GRM3: variants seen among roughly 807,000 people sequenced by gnomAD.
GRM3 encodes the protein glutamate metabotropic receptor 3, also known as metabotropic glutamate receptor 3.
In GRM3, 26 loss-of-function variants were observed where a neutral mutation model predicts 70.5. The ratio of observed to expected loss-of-function variants is 0.37; its 90% CI spans 0.27 to 0.51. GRM3 has a LOEUF of 0.51. Among genes scored for constraint, GRM3 ranks in the 20% least tolerant of loss-of-function variants. The probability of loss-of-function intolerance (pLI) is 0.93; values close to 1 mark genes in which losing one functional copy is unlikely to be tolerated. For missense variants in GRM3, 859 were observed against 1,123.8 expected (o/e 0.76, Z 3.37); for synonymous variants, 443 against 434.9 (o/e 1.02, Z -0.23).
intron 1 of GRM3, among the ~76,000 whole-genome samples, chr7:86,667,964 G>T (rs1020448889): frequency 6.6e-6 from 1 of 152,078 alleles, no homozygotes; most frequent in Non-Finnish European, 1.5e-5. Context: ...GAGATTTTGG[G>T]TAGCTAATCA....
rs757618306 is a variant in GRM3 at position 86,787,127 on chromosome 7, A to G, written c.1324+11A>G. The G allele has an allele frequency of 4.4e-6, 7 of 1,588,946 alleles. No homozygotes were observed. The South Asian group carries it at 7.8e-5, about 18-fold the overall frequency. Reference sequence around the variant, plus strand: ...AAATCAACTTCACGGGTAAGCCAAGAGCCTTTAAACATCTTCTCAGATGCA... The same window carrying G: ...AAATCAACTTCACGGGTAAGCCAAGGGCCTTTAAACATCTTCTCAGATGCA... On this transcript the variant is annotated intron_variant, in intron 3 of 5. Coordinates refer to ENST00000361669, the MANE Select transcript of GRM3 (RefSeq NM_000840.3).
intron 1 of GRM3, among the ~76,000 whole-genome samples, chr7:86,748,823 A>G (rs943100494): frequency 1.3e-5 from 2 of 152,084 alleles, no homozygotes; most frequent in Admixed American, 6.6e-5. Context: ...AAGAATACTT[A>G]TCTTCTCCTT....
intron 1 of GRM3, among the ~76,000 whole-genome samples, chr7:86,742,143 C>A (rs1337264246): frequency 2.0e-5 from 3 of 152,138 alleles, no homozygotes; most frequent in African/African-American, 7.2e-5. Flanking sequence ...TCTGATGGAA[C>A]CTCAGCTAGT....
chr7:86,644,919 A>G, intron 1 of GRM3, 47 bp downstream of exon 1: 3 of 1,114,132 alleles, frequency 2.7e-6, no homozygotes, highest in South Asian at 1.3e-5. Context: ...GCGCCCAGCC[A>G]GGGCGCGGAA....
intron 1 of GRM3, among the ~76,000 whole-genome samples, chr7:86,681,635 A>C (rs368851028): frequency 1.3e-5 from 2 of 152,236 alleles, no homozygotes; most frequent in African/African-American, 4.8e-5. Flanking sequence ...AGATGGAGCA[A>C]CTATGCCTGA....
At chr7:86,775,541 C>T (rs1479641947) in intron 2 of GRM3, among the ~76,000 whole-genome samples, 1 of 151,982 alleles carries the variant, frequency 6.6e-6, no homozygotes, top group East Asian at 1.9e-4. Context: ...CTTTTTAAAA[C>T]ATAACTTTGG....
At chr7:86,806,497 T>C (rs975189646) in intron 3 of GRM3, among the ~76,000 whole-genome samples, 57 of 152,140 alleles carry the variant, frequency 3.7e-4, no homozygotes, top group African/African-American at 1.2e-3. Context: ...CTCTGATGGC[T>C]AGTGATGATG....
intron 1 of GRM3, among the ~76,000 whole-genome samples, chr7:86,685,430 G>A (rs577090327): frequency 4.6e-5 from 7 of 152,300 alleles, no homozygotes; most frequent in African/African-American, 1.7e-4. Flanking sequence ...TGTTCTTAGT[G>A]AGAACCTGAA....
intron 1 of GRM3, among the ~76,000 whole-genome samples, chr7:86,758,490 C>T (rs531942150): frequency 3.3e-5 from 5 of 152,092 alleles, no homozygotes; most frequent in Non-Finnish European, 7.4e-5. Flanking sequence ...CTTGAGGATG[C>T]TAAAGCAGCT....
At chr7:86,799,825 G>T (rs1797641572) in intron 3 of GRM3, among the ~76,000 whole-genome samples, 1 of 152,154 alleles carries the variant, frequency 6.6e-6, no homozygotes. Flanking sequence ...CACCATGCCT[G>T]GCCAATACCT....
At chr7:86,772,148 C>T (rs114169419) in intron 2 of GRM3, among the ~76,000 whole-genome samples, 2,993 of 152,182 alleles carry the variant, frequency 0.02, 106 homozygotes, top group African/African-American at 0.067. Flanking sequence ...TATTATATTA[C>T]TGATACCTAG....
chr7:86,821,721 T>C (rs766591271), intron 3 of GRM3, among the ~76,000 whole-genome samples: 1 of 152,078 alleles, frequency 6.6e-6, no homozygotes, highest in Non-Finnish European at 1.5e-5. Context: ...GGTGGAGGTG[T>C]ACAACAAAGG....
intron 2 of GRM3, among the ~76,000 whole-genome samples, chr7:86,767,508 A>T (rs915600246): frequency 8.8e-5 from 11 of 125,080 alleles, no homozygotes; most frequent in Non-Finnish European, 1.7e-4. Flanking sequence ...AGTATCGGTC[A>T]TACTTCATAT....
chr7:86,729,638 G>A (rs1051183390), intron 1 of GRM3, among the ~76,000 whole-genome samples: 9 of 152,154 alleles, frequency 5.9e-5, no homozygotes, highest in Non-Finnish European at 8.8e-5. Flanking sequence ...AATTATGTAT[G>A]TACATACACA....
Position 86,653,260 on chromosome 7 carries a change from C to T in GRM3, c.-141+8388C>T, listed in dbSNP as rs180873027. Reference sequence around the variant, plus strand: ...GGCCTTTTGTAAACCTGATCATCTCCCAAAGGCCCTGTTAGTAAACGCAAT... The same window carrying T: ...GGCCTTTTGTAAACCTGATCATCTCTCAAAGGCCCTGTTAGTAAACGCAAT... On this transcript the variant is annotated intron_variant, in intron 1 of 5. Coordinates refer to ENST00000361669, the MANE Select transcript of GRM3 (RefSeq NM_000840.3). Among the ~76,000 whole-genome samples the T allele has an allele frequency of 2.4e-3, 371 of 152,258 alleles. 3 individuals are homozygous for T. The highest frequency in any genetic ancestry group is 2.7e-3 in the Non-Finnish European group (186 of 68,014).
chr7:86,831,895 C>A (rs1179562549), intron 3 of GRM3, among the ~76,000 whole-genome samples: 1 of 150,644 alleles, frequency 6.6e-6, no homozygotes, highest in Admixed American at 6.6e-5. Context: ...ACACGTAAGA[C>A]TGAGTACTGA....
At chr7:86,817,596 C>G (rs1798041507) in intron 3 of GRM3, among the ~76,000 whole-genome samples, 1 of 151,870 alleles carries the variant, frequency 6.6e-6, no homozygotes, top group Non-Finnish European at 1.5e-5. Context: ...TAAAGTACAA[C>G]TAAGGCTGAA....
chr7:86,707,656 T>C (rs577972320), intron 1 of GRM3, among the ~76,000 whole-genome samples: 7 of 152,094 alleles, frequency 4.6e-5, no homozygotes, highest in Non-Finnish European at 1.0e-4. Flanking sequence ...GGCAGATGCA[T>C]GTGCTATGAA....
chr7:86,853,158 TC>T (rs1798784283), intron 5 of GRM3, among the ~76,000 whole-genome samples: 1 of 152,094 alleles, frequency 6.6e-6, no homozygotes, highest in African/African-American at 2.4e-5. Flanking sequence ...AAATTTAGTA[TC>T]TTTGGCCAGT....
Sources: gnomAD v4.1 joint callset for allele counts (sites outside exome capture counted in the v4.1 genomes callset) on GRCh38, gnomAD v4.1.1 for gene constraint, MANE v1.5 for transcripts, NCBI Gene and HGNC (gene_info 2026-07-23, HGNC 2026-07-21) for gene names.